Variants in CAMTA1 observed in about 807,000 individuals in gnomAD.
CAMTA1 encodes the protein calmodulin-binding transcription activator 1.
A neutral mutation model predicts 170.9 loss-of-function variants in CAMTA1; 27 were observed. The ratio of observed to expected loss-of-function variants is 0.16; its 90% confidence interval spans 0.12 to 0.22. The LOEUF is 0.22. Among genes scored for constraint, CAMTA1 ranks in the 10% least tolerant of loss-of-function variants. The pLI is 1.00. For missense variants in CAMTA1, 1,619 were observed against 2,217.2 expected (o/e 0.73, Z 5.42); for synonymous variants, 833 against 891.5 (o/e 0.93, Z 1.17).
rs143560335 is a variant in CAMTA1 at position 7,286,315 on chromosome 1, G to T, written c.438+36689G>T. 6.6e-6 allele frequency among the ~76,000 whole-genome samples: 1 copy of T among 152,232 alleles called. No individual in the cohort carries two copies. The highest frequency in any genetic ancestry group is 1.5e-5 in the Non-Finnish European group (1 of 68,036). ...CGCCAGGGTGTGCCACGTGCTTTTA[G>T]AGCTGCCCCAGCAACGATTCTTGAT... On this transcript the variant is annotated intron_variant, in intron 5 of 22. Transcript: ENST00000303635. The surrounding 1 kb of genome is among the most constrained non-coding windows in gnomAD (Gnocchi z 4.2).
At position 7,736,545 on chromosome 1, in the gene CAMTA1, G is replaced by C. The variant is rs1250189676; in HGVS notation, c.3263+5G>C. 1 of 1,613,358 alleles carries C rather than the reference G, an allele frequency of 6.2e-7. No homozygotes were observed. Among genetic ancestry groups the C allele is most frequent in the Non-Finnish European group, 8.5e-7 (1 of 1,179,470 alleles). The stretch of plus-strand genomic sequence containing the variant: ...CCAGACCCTCATCAAATGGCGGTAA[G>C]GCTGTGGTGCAGCTGGCTGGGGGTC... On this transcript the variant is annotated splice_donor_5th_base_variant and intron_variant, in intron 13 of 22. Transcript: ENST00000303635. This position sits in a 1 kb window ranked among gnomAD's most constrained non-coding sequence, Gnocchi z 4.5.
At chr1:6,872,595 T>C (rs1668710847) in intron 3 of CAMTA1, among the ~76,000 whole-genome samples, 1 of 152,208 alleles carries the variant, frequency 6.6e-6, no homozygotes, top group South Asian at 2.1e-4. Flanking sequence ...GTAGTCTCAA[T>C]ACCAGATTGA....
intron 11 of CAMTA1, among the ~76,000 whole-genome samples, chr1:7,701,181 G>A (rs2149497673): frequency 6.6e-6 from 1 of 152,342 alleles, no homozygotes; most frequent in Admixed American, 6.5e-5. Flanking sequence ...TTCCAGCTGT[G>A]TGGCTTTGAG....
At chr1:7,374,111 G>A (rs895910176) in intron 5 of CAMTA1, among the ~76,000 whole-genome samples, 1 of 152,208 alleles carries the variant, frequency 6.6e-6, no homozygotes, top group African/African-American at 2.4e-5. Flanking sequence ...GTTAGTACAC[G>A]TCATTGACAA....
At chr1:7,496,886 C>A (rs755587269) in intron 6 of CAMTA1, among the ~76,000 whole-genome samples, 2 of 151,964 alleles carry the variant, frequency 1.3e-5, no homozygotes, top group Non-Finnish European at 2.9e-5. Context: ...CAAGCGCAAC[C>A]TCAGGCCAGA....
chr1:7,495,685 T>C (rs1299329702), intron 6 of CAMTA1, among the ~76,000 whole-genome samples: 1 of 152,232 alleles, frequency 6.6e-6, no homozygotes. Flanking sequence ...GGATCCACCC[T>C]GGAGTCTCCA....
At chr1:7,028,499 T>C (rs1284589040) in intron 3 of CAMTA1, among the ~76,000 whole-genome samples, 2 of 152,194 alleles carry the variant, frequency 1.3e-5, no homozygotes, top group African/African-American at 4.8e-5. Flanking sequence ...CCTCTGAAAC[T>C]ATGATTTGAT....
At chr1:7,357,876 TC>T (rs1224024363) in intron 5 of CAMTA1, among the ~76,000 whole-genome samples, 2 of 152,072 alleles carry the variant, frequency 1.3e-5, no homozygotes, top group Non-Finnish European at 2.9e-5. Flanking sequence ...TGCTCCCAGG[TC>T]CCTGTCCCCA....
intron 3 of CAMTA1, among the ~76,000 whole-genome samples, chr1:6,844,170 G>C (rs1431108371): frequency 6.6e-6 from 1 of 152,152 alleles, no homozygotes; most frequent in Non-Finnish European, 1.5e-5. Flanking sequence ...CTGTATACAG[G>C]TTCAAAACAA....
chr1:7,167,542 C>T (rs557232624), intron 4 of CAMTA1, among the ~76,000 whole-genome samples: 1 of 152,266 alleles, frequency 6.6e-6, no homozygotes, highest in South Asian at 2.1e-4. Context: ...TCACATTCTC[C>T]TCTCCCTCCT....
At chr1:7,305,332 C>CT (rs1411302483) in intron 5 of CAMTA1, among the ~76,000 whole-genome samples, 6 of 151,820 alleles carry the variant, frequency 4.0e-5, no homozygotes, top group Admixed American at 2.0e-4. Context: ...TTGGCTACTT[C>CT]TGCTTGTATT....
Position 7,067,039 on chromosome 1 carries a change from C to T in CAMTA1, c.235-24265C>T, listed in dbSNP as rs951971137. ...CTGGATGGGCACATAAACTGGGTGT[C>T]ATGTTATTAAGATGTGGTGAAAGGT... is the stretch of plus-strand genomic sequence containing the variant. On this transcript the variant is annotated intron_variant, in intron 3 of 22. Coordinates refer to ENST00000303635, the MANE Select transcript of CAMTA1 (RefSeq NM_015215.4). The surrounding 1 kb of genome is among the most constrained non-coding windows in gnomAD (Gnocchi z 4.3). Among the ~76,000 whole-genome samples the T allele has an allele frequency of 7.9e-5, 12 of 152,240 alleles. No homozygotes were observed. The highest frequency in any genetic ancestry group is 1.5e-4 in the Non-Finnish European group (10 of 68,048).
intron 3 of CAMTA1, among the ~76,000 whole-genome samples, chr1:6,831,660 A>G (rs547183513): frequency 1.2e-4 from 18 of 152,272 alleles, no homozygotes; most frequent in African/African-American, 3.1e-4. Flanking sequence ...GTGTGTTACT[A>G]TTTTTGAACT....
chr1:7,474,139 T>C (rs1487023596), intron 6 of CAMTA1, among the ~76,000 whole-genome samples: 2 of 127,212 alleles, frequency 1.6e-5, no homozygotes, highest in East Asian at 4.7e-4. Flanking sequence ...GAAGCACCTA[T>C]TAGCTGTGTG....
chr1:7,625,121 G>A (rs1411659548), intron 6 of CAMTA1, among the ~76,000 whole-genome samples: 2 of 152,098 alleles, frequency 1.3e-5, no homozygotes, highest in African/African-American at 2.4e-5. Flanking sequence ...ACAGGAAATG[G>A]GGAGCCAGGA....
At chr1:7,029,851 T>C (rs1403765320) in intron 3 of CAMTA1, among the ~76,000 whole-genome samples, 2 of 152,220 alleles carry the variant, frequency 1.3e-5, no homozygotes, top group African/African-American at 4.8e-5. Flanking sequence ...AAATAACATA[T>C]TGTTTAATGA....
At chr1:6,924,683 C>G (rs867858277) in intron 3 of CAMTA1, among the ~76,000 whole-genome samples, 2 of 152,214 alleles carry the variant, frequency 1.3e-5, no homozygotes, top group Non-Finnish European at 2.9e-5. Flanking sequence ...TACTAAGAAG[C>G]ATGTTCCAGC....
intron 4 of CAMTA1, among the ~76,000 whole-genome samples, chr1:7,161,499 C>G (rs888125987): frequency 1.3e-5 from 2 of 152,124 alleles, no homozygotes; most frequent in Non-Finnish European, 2.9e-5. Flanking sequence ...ATTATGGGTA[C>G]GGGTCTTTCC....
intron 4 of CAMTA1, among the ~76,000 whole-genome samples, chr1:7,098,537 G>A (rs1368215591): frequency 6.6e-6 from 1 of 152,224 alleles, no homozygotes; most frequent in Non-Finnish European, 1.5e-5. Flanking sequence ...GGTGGGGAAT[G>A]AGCTGTGGCC....
Sources: allele counts gnomAD v4.1 joint callset (sites outside exome capture counted in the v4.1 genomes callset), GRCh38; gene constraint gnomAD v4.1.1; non-coding constraint Gnocchi (gnomAD v3.1); transcripts MANE v1.5; gene names NCBI Gene and HGNC (gene_info 2026-07-23, HGNC 2026-07-21).